CACNA1E: variants seen among roughly 807,000 people sequenced by gnomAD.
CACNA1E encodes the protein calcium voltage-gated channel subunit alpha1 E, also known as voltage-dependent R-type calcium channel subunit alpha-1E.
In CACNA1E, 40 loss-of-function variants were observed where a neutral mutation model predicts 259.2. The ratio of observed to expected loss-of-function variants is 0.15; its 90% CI spans 0.12 to 0.20. CACNA1E has a LOEUF of 0.20. Among genes scored for constraint, CACNA1E ranks in the 10% least tolerant of loss-of-function variants. CACNA1E has a pLI of 1.00. For synonymous variants in CACNA1E, 1,104 were observed against 1,138.5 expected, an observed-to-expected ratio of 0.97 and a Z score of 0.61; for missense variants, 1,874 against 3,040.1, an observed-to-expected ratio of 0.62 and a Z score of 9.02.
rs192827474 is a variant in CACNA1E, at chr1:181,754,817, C to T, written c.3829-420C>T. ...AACAATACATAATCAGTATATAAAT[C>T]GAATCTAAGAACGTCACCAAATAAA... On this transcript the variant is annotated intron_variant, in intron 27 of 47. Coordinates refer to ENST00000367573, the MANE Select transcript of CACNA1E (RefSeq NM_001205293.3). 6.5e-4 allele frequency among the ~76,000 whole-genome samples: 99 copies of T among 152,258 alleles called. 1 individual carries two copies. Among genetic ancestry groups the T allele is most frequent in the East Asian group, 2.3e-3 (12 of 5,188 alleles).
chr1:181,776,070 C>T lies in CACNA1E; in HGVS notation c.5140-31C>T, dbSNP rs780707089. The stretch of plus-strand genomic sequence containing the variant: ...TTCCTGAGCTCTGCTTTAGGTTTCC[C>T]CTAACCCCTCTTCTTCCCCTTGCCC... On this transcript the variant is annotated intron_variant, in intron 37 of 47. Coordinates refer to ENST00000367573, the MANE Select transcript of CACNA1E (RefSeq NM_001205293.3). The surrounding 1 kb of genome is among the most constrained non-coding windows in gnomAD (Gnocchi z 4.4). 43 of 1,601,526 alleles carry T rather than the reference C, an allele frequency of 2.7e-5. No individual in the cohort carries two copies. The highest frequency in any genetic ancestry group is 2.3e-5 in the South Asian group (2 of 88,460).
At chr1:181,488,397 C>T (rs974735976) in intron 1 of CACNA1E, among the ~76,000 whole-genome samples, 3 of 152,202 alleles carry the variant, frequency 2.0e-5, no homozygotes, top group Non-Finnish European at 2.9e-5. Context: ...TTCTGTGTAC[C>T]TGTGCGTGGA....
At chr1:181,671,514 C>G (rs1648792728) in intron 7 of CACNA1E, among the ~76,000 whole-genome samples, 1 of 152,172 alleles carries the variant, frequency 6.6e-6, no homozygotes, top group Non-Finnish European at 1.5e-5. Flanking sequence ...ACTTTGATTC[C>G]TGTCTTAGAA....
chr1:181,597,867 G>C (rs1041603753), intron 6 of CACNA1E, among the ~76,000 whole-genome samples: 1 of 152,142 alleles, frequency 6.6e-6, no homozygotes, highest in African/African-American at 2.4e-5. Flanking sequence ...CTCATTCACT[G>C]TCACGAGAAC....
At chr1:181,444,705 T>C (rs16857351) in intron 2 of CACNA1E, among the ~76,000 whole-genome samples, 57,845 of 152,056 alleles carry the variant, frequency 0.38, 11,566 homozygotes, top group African/African-American at 0.51. Flanking sequence ...AGATGCACTT[T>C]TTGCTTTAGT....
intron 6 of CACNA1E, among the ~76,000 whole-genome samples, chr1:181,615,019 G>T (rs1655083051): frequency 1.3e-5 from 2 of 152,166 alleles, no homozygotes; most frequent in Admixed American, 1.3e-4. Flanking sequence ...AAAAACTCTT[G>T]CTAGGGTTTT....
intron 1 of CACNA1E, among the ~76,000 whole-genome samples, chr1:181,411,728 G>A (rs528135255): frequency 2.6e-5 from 4 of 152,248 alleles, no homozygotes; most frequent in African/African-American, 7.2e-5. Context: ...TCCTGTCTCA[G>A]CCTCCCAAGT....
intron 1 of CACNA1E, among the ~76,000 whole-genome samples, chr1:181,397,354 G>A (rs1180922873): frequency 6.6e-6 from 1 of 152,082 alleles, no homozygotes. Flanking sequence ...AGGCCGGAGT[G>A]CAGTGGCACG....
chr1:181,687,532 G>C (rs1192541730), intron 7 of CACNA1E, among the ~76,000 whole-genome samples: 3 of 152,246 alleles, frequency 2.0e-5, no homozygotes, highest in South Asian at 4.2e-4. Context: ...CTGGGTCTGA[G>C]AGCCCCAGAG....
At chr1:181,532,660 C>T (rs1667871954) in intron 3 of CACNA1E, among the ~76,000 whole-genome samples, 1 of 152,234 alleles carries the variant, frequency 6.6e-6, no homozygotes, top group African/African-American at 2.4e-5. Flanking sequence ...AAGCTTTCCC[C>T]TTTAAGCCAA....
chr1:181,743,206 G>C (rs1400402374), intron 25 of CACNA1E, among the ~76,000 whole-genome samples: 2 of 152,190 alleles, frequency 1.3e-5, no homozygotes, highest in Middle Eastern at 3.2e-3. Flanking sequence ...AGTGTTTGCT[G>C]ACTATAAATG....
chr1:181,669,831 T>C (rs1037079730), intron 7 of CACNA1E, among the ~76,000 whole-genome samples: 58 of 152,320 alleles, frequency 3.8e-4, no homozygotes, highest in African/African-American at 1.3e-3. Context: ...ACAAGGCACT[T>C]GTAGTAGGAC....
intron 7 of CACNA1E, among the ~76,000 whole-genome samples, chr1:181,675,870 CCT>C (rs1245724754): frequency 6.6e-6 from 1 of 152,172 alleles, no homozygotes; most frequent in African/African-American, 2.4e-5. Flanking sequence ...ACAAAAAAGA[CCT>C]CATGCATTGT....
chr1:181,528,136 G>A (rs1003883378), intron 3 of CACNA1E, among the ~76,000 whole-genome samples: 3 of 146,476 alleles, frequency 2.0e-5, no homozygotes, highest in South Asian at 2.2e-4. Context: ...TGTTGTGGGA[G>A]GGGCCCGGGG....
At chr1:181,666,374 C>G (rs1648227382) in intron 7 of CACNA1E, among the ~76,000 whole-genome samples, 5 of 152,110 alleles carry the variant, frequency 3.3e-5, no homozygotes, top group Admixed American at 3.3e-4. Flanking sequence ...TCCCTGCCCT[C>G]ATAAAAGTTG....
intron 2 of CACNA1E, among the ~76,000 whole-genome samples, chr1:181,422,440 C>T (rs1658820236): frequency 6.6e-6 from 1 of 152,226 alleles, no homozygotes; most frequent in African/African-American, 2.4e-5. Context: ...GTCCAGGAAG[C>T]TCAGGACACC....
intron 3 of CACNA1E, among the ~76,000 whole-genome samples, chr1:181,520,476 A>G (rs1448369123): frequency 6.6e-6 from 1 of 152,240 alleles, no homozygotes; most frequent in East Asian, 1.9e-4. Context: ...ATAAAAATTG[A>G]AAGTACTCAA....
In CACNA1E at chr1:181,744,000, A is replaced by G. The variant is rs891595117; in HGVS notation, c.3719+4747A>G. ...TTGCCATTTGCTGTTGTAGCAGGGC[A>G]TGGGGTGAGGTCAGGACTCCCTGGC... On this transcript the variant is annotated intron_variant, in intron 25 of 47. Coordinates refer to ENST00000367573, the MANE Select transcript of CACNA1E (RefSeq NM_001205293.3). Among the ~76,000 whole-genome samples, 11 of 152,346 alleles carry G rather than the reference A, an allele frequency of 7.2e-5. No individual in the cohort carries two copies. In the South Asian group the frequency reaches 2.1e-3, roughly 29 times the overall value.
chr1:181,418,195 G>T (rs886627782), intron 2 of CACNA1E, among the ~76,000 whole-genome samples: 2 of 152,050 alleles, frequency 1.3e-5, no homozygotes, highest in African/African-American at 4.8e-5. Context: ...ACAGGATTTT[G>T]CCGTGTTGCC....
Sources: gnomAD v4.1 joint callset for allele counts (sites outside exome capture counted in the v4.1 genomes callset) on GRCh38, gnomAD v4.1.1 for gene constraint, Gnocchi (gnomAD v3.1) non-coding constraint, MANE v1.5 for transcripts, NCBI Gene and HGNC (gene_info 2026-07-23, HGNC 2026-07-21) for gene names.